Variants in KIAA0825 observed in about 807,000 individuals in gnomAD.
The protein encoded by KIAA0825 is KIAA0825.
A neutral mutation model predicts 147.6 loss-of-function variants in KIAA0825; 119 were observed. The ratio of observed to expected loss-of-function variants is 0.81; its 90% CI spans 0.69 to 0.94. The LOEUF (loss-of-function observed/expected upper bound fraction) is 0.94. Ranked by LOEUF, KIAA0825 falls within the 40% of genes least tolerant of loss-of-function variation. KIAA0825 has a pLI of 0.00. For missense variants in KIAA0825, 1,381 were observed against 1,472.7 expected (o/e 0.94, Z 1.02); for synonymous variants, 470 against 518.1 (o/e 0.91, Z 1.26).
chr5:94,164,949 G>A (rs1379347769), intron 20 of KIAA0825, among the ~76,000 whole-genome samples: 1 of 152,128 alleles, frequency 6.6e-6, no homozygotes, highest in Non-Finnish European at 1.5e-5. Context: ...CATTAGTCTG[G>A]CTAAAGATTT....
chr5:94,368,136 G>A (rs1365937773), intron 20 of KIAA0825, among the ~76,000 whole-genome samples: 1 of 152,156 alleles, frequency 6.6e-6, no homozygotes, highest in East Asian at 1.9e-4. Flanking sequence ...AAAGAGCTGA[G>A]TCAGCATGGT....
intron 5 of KIAA0825, among the ~76,000 whole-genome samples, chr5:94,510,146 G>A (rs1766283856): frequency 6.6e-6 from 1 of 152,170 alleles, no homozygotes; most frequent in Non-Finnish European, 1.5e-5. Context: ...CCTTTTGCCA[G>A]TGAAAATGCT....
At chr5:94,504,726 GC>G in intron 5 of KIAA0825, among the ~76,000 whole-genome samples, 1 of 149,014 alleles carries the variant, frequency 6.7e-6, no homozygotes, top group South Asian at 2.1e-4. Flanking sequence ...TTAGAATTAC[GC>G]CCGTGTGATT....
intron 16 of KIAA0825, among the ~76,000 whole-genome samples, chr5:94,397,070 T>A (rs765226822): frequency 2.0e-5 from 3 of 152,072 alleles, no homozygotes; most frequent in South Asian, 4.1e-4. Context: ...GGGATCCCCA[T>A]TTTGTTGCCT....
At position 94,180,738 on chromosome 5, in the gene KIAA0825, A is replaced by G. The variant is rs182081782; in HGVS notation, c.3711-26614T>C. ...TTATCTGCCTGAAAACTTTAAATCT[A>G]TTTTCATCTTTCTTGAAATTAACTA... On this transcript the variant is annotated intron_variant, in intron 20 of 20. Coordinates refer to ENST00000682413, the MANE Select transcript of KIAA0825 (RefSeq NM_001145678.3). 1.4e-3 allele frequency among the ~76,000 whole-genome samples: 218 copies of G among 152,064 alleles called. 1 individual carries two copies. The highest frequency in any genetic ancestry group is 2.4e-4 in the Non-Finnish European group (16 of 67,932).
intron 2 of KIAA0825, among the ~76,000 whole-genome samples, chr5:94,554,738 A>ATATT (rs1247170164): frequency 2.2e-5 from 3 of 134,232 alleles, no homozygotes; most frequent in African/African-American, 8.7e-5. Context: ...ATATATATAT[A>ATATT]TATATATATA....
At chr5:94,188,526 T>C (rs1024576791) in intron 20 of KIAA0825, among the ~76,000 whole-genome samples, 1 of 152,206 alleles carries the variant, frequency 6.6e-6, no homozygotes, top group African/African-American at 2.4e-5. Context: ...AATGGGATCA[T>C]GTAGTACATA....
intron 20 of KIAA0825, among the ~76,000 whole-genome samples, chr5:94,319,921 TG>T (rs1264854056): frequency 6.6e-6 from 1 of 151,948 alleles, no homozygotes; most frequent in African/African-American, 2.4e-5. Context: ...TCCTCTCCTT[TG>T]TCTCTCCCCC....
chr5:94,575,958 C>G (rs1189586525), intron 2 of KIAA0825, among the ~76,000 whole-genome samples: 1 of 152,016 alleles, frequency 6.6e-6, no homozygotes, highest in Non-Finnish European at 1.5e-5. Flanking sequence ...AATGGTAGCT[C>G]ATGAATAGAT....
At chr5:94,379,130 T>G (rs745683931) in intron 20 of KIAA0825, among the ~76,000 whole-genome samples, 2 of 152,238 alleles carry the variant, frequency 1.3e-5, no homozygotes, top group African/African-American at 4.8e-5. Flanking sequence ...TTGTCAATTT[T>G]GGTTTTTGTT....
At chr5:94,580,778 A>AT (rs1318626342) in intron 2 of KIAA0825, among the ~76,000 whole-genome samples, 1 of 96,626 alleles carries the variant, frequency 1.0e-5, no homozygotes, top group Non-Finnish European at 2.1e-5. Context: ...CGGGAGGCTG[A>AT]GGCGGGAGAA....
At position 94,544,912 on chromosome 5, in the gene KIAA0825, C is replaced by T. The variant is rs143703469; in HGVS notation, c.-1-7785G>A. Reference sequence around the variant, plus strand: ...AAGAGCCAAAAATCAGGTAAAGTTACGTGGCTTTAACTTCCTATCACTGAA... The same window carrying T: ...AAGAGCCAAAAATCAGGTAAAGTTATGTGGCTTTAACTTCCTATCACTGAA... On this transcript the variant is annotated intron_variant, in intron 2 of 20. Transcript: ENST00000682413. Among the ~76,000 whole-genome samples, 681 of 152,178 alleles carry T rather than the reference C, an allele frequency of 4.5e-3. 4 individuals are homozygous for T. Among genetic ancestry groups the T allele is most frequent in the South Asian group, 0.015 (73 of 4,804 alleles).
At chr5:94,207,124 G>T (rs1027200732) in intron 20 of KIAA0825, among the ~76,000 whole-genome samples, 2 of 151,932 alleles carry the variant, frequency 1.3e-5, no homozygotes, top group Non-Finnish European at 2.9e-5. Flanking sequence ...ATACCTAGGG[G>T]CTCCCTAGGT....
intron 20 of KIAA0825, among the ~76,000 whole-genome samples, chr5:94,280,089 T>C (rs775429655): frequency 2.0e-5 from 3 of 152,058 alleles, no homozygotes; most frequent in Non-Finnish European, 4.4e-5. Context: ...TTTTAGAAGG[T>C]TCATGCTGGC....
intron 1 of KIAA0825, among the ~76,000 whole-genome samples, chr5:94,600,374 C>T (rs1020526830): frequency 6.6e-6 from 1 of 151,324 alleles, no homozygotes; most frequent in African/African-American, 2.4e-5. Context: ...ATATATATTC[C>T]TTATATTTCC....
intron 1 of KIAA0825, among the ~76,000 whole-genome samples, chr5:94,612,826 G>C (rs138983680): frequency 5.9e-5 from 9 of 152,270 alleles, no homozygotes; most frequent in African/African-American, 1.7e-4. Flanking sequence ...TTCATAGTTA[G>C]AGCCACAGAC....
intron 20 of KIAA0825, among the ~76,000 whole-genome samples, chr5:94,169,754 G>T (rs1768428185): frequency 6.6e-6 from 1 of 152,076 alleles, no homozygotes; most frequent in Admixed American, 6.6e-5. Flanking sequence ...CACTGTAGGG[G>T]TTTGGAGCAT....
At chr5:94,453,515 T>C (rs937927103) in intron 12 of KIAA0825, among the ~76,000 whole-genome samples, 5 of 151,998 alleles carry the variant, frequency 3.3e-5, no homozygotes, top group Non-Finnish European at 7.4e-5. Flanking sequence ...CAAAATGGTA[T>C]TGTGCTAGAA....
At chr5:94,584,242 G>A (rs1275597357) in intron 1 of KIAA0825, among the ~76,000 whole-genome samples, 4 of 152,142 alleles carry the variant, frequency 2.6e-5, no homozygotes, top group South Asian at 2.1e-4. Flanking sequence ...AAACTTCTCC[G>A]AGCTAAAGGA....
Sources: gnomAD v4.1 joint callset for allele counts (sites outside exome capture counted in the v4.1 genomes callset) on GRCh38, gnomAD v4.1.1 for gene constraint, MANE v1.5 for transcripts, NCBI Gene and HGNC (gene_info 2026-07-23, HGNC 2026-07-21) for gene names.